NPM1: variants seen among roughly 807,000 people sequenced by gnomAD.
The protein encoded by NPM1 is nucleophosmin.
NPM1 carries 1 observed loss-of-function variant against 44.1 expected under a neutral mutation model. That is an observed-to-expected ratio of 0.02 (90% CI 0.01 to 0.11). The LOEUF is 0.11. NPM1 is among the 10% of genes least tolerant of loss of function. NPM1 has a pLI of 1.00. For synonymous variants in NPM1, 126 were observed against 111.8 expected (o/e 1.13, Z -0.80); for missense variants, 197 against 347.8 (o/e 0.57, Z 3.45).
chr5:171,403,012 TAATTTA>T (rs1771309974), intron 8 of NPM1, among the ~76,000 whole-genome samples: 1 of 99,036 alleles, frequency 1.0e-5, no homozygotes, highest in Non-Finnish European at 2.0e-5. Flanking sequence ...ATTTTTTTTT[TAATTTA>T]TTTTTTTATT....
At chr5:171,400,814 G>A (rs772243836) in intron 7 of NPM1, 25 bp from the exon 8 acceptor site, 2 of 1,482,044 alleles carry the variant, frequency 1.3e-6, no homozygotes, top group South Asian at 1.1e-5. Flanking sequence ...CAGGGACAGT[G>A]ATTAAGATAA....
rs1260728002 is a variant in NPM1, at chr5:171,387,925, T to A, written c.-24T>A. ...TTTTATCTCCGTCCGCCTTCTCTCC[T>A]ACCTAAGTGCGTGCCGCCACCCGAT... is the stretch of plus-strand genomic sequence containing the variant. On this transcript the variant is annotated 5_prime_UTR_variant, in exon 1 of 11. Transcript: ENST00000296930. 1 of 1,608,858 alleles carries A rather than the reference T, an allele frequency of 6.2e-7. No homozygotes were observed. The highest frequency in any genetic ancestry group is 2.2e-5 in the East Asian group (1 of 44,848).
At chr5:171,403,583 CT>C (rs1259487379) in intron 8 of NPM1, among the ~76,000 whole-genome samples, 1 of 110,946 alleles carries the variant, frequency 9.0e-6, no homozygotes, top group African/African-American at 3.3e-5. Flanking sequence ...GTAGGGGCGG[CT>C]GGGCAGAGGC....
chr5:171,392,677 G>C (rs1284820563), intron 4 of NPM1, 33 bp from the exon 5 acceptor site: 3 of 1,424,226 alleles, frequency 2.1e-6, no homozygotes, highest in East Asian at 4.6e-5. Flanking sequence ...CTTGCTGCTT[G>C]AGTTTTATAA....
rs750018655 is a variant in NPM1, at chr5:171,387,940, C to T, written c.-9C>T. 7 of 1,611,670 alleles carry T rather than the reference C, an allele frequency of 4.3e-6. No homozygotes were observed. Among genetic ancestry groups the T allele is most frequent in the African/African-American group, 1.3e-5 (1 of 74,972 alleles). On this transcript the variant is annotated 5_prime_UTR_variant, in exon 1 of 11. Transcript: ENST00000296930. Reference sequence around the variant, plus strand: ...CCTTCTCTCCTACCTAAGTGCGTGCCGCCACCCGATGGAAGATTCGATGGA... The same window carrying T: ...CCTTCTCTCCTACCTAAGTGCGTGCTGCCACCCGATGGAAGATTCGATGGA...
chr5:171,387,746 G>T (rs1770296696), upstream of NPM1: 4 of 599,232 alleles, frequency 6.7e-6, no homozygotes, highest in African/African-American at 7.5e-5. Flanking sequence ...GGACGGCTAC[G>T]GTACGGGGGT....
At chr5:171,396,853 A>G (rs749195672) in intron 6 of NPM1, among the ~76,000 whole-genome samples, 10 of 152,088 alleles carry the variant, frequency 6.6e-5, no homozygotes, top group Non-Finnish European at 1.3e-4. Flanking sequence ...GGCGCTTGCA[A>G]TCCCAGCTGC....
At chr5:171,394,738 T>A (rs1255849347) in intron 6 of NPM1, among the ~76,000 whole-genome samples, 1 of 152,234 alleles carries the variant, frequency 6.6e-6, no homozygotes, top group Non-Finnish European at 1.5e-5. Flanking sequence ...TGATTTTGAG[T>A]TACCTTTGTA....
chr5:171,407,820 GATTT>G (rs768446207), intron 10 of NPM1, 46 bp downstream of exon 10: 23 of 1,152,716 alleles, frequency 2.0e-5, no homozygotes, highest in Non-Finnish European at 2.9e-5. Context: ...GTTTTTTTGT[GATTT>G]ATTATGATTC....
At chr5:171,395,962 AAT>A (rs1491504848) in intron 6 of NPM1, among the ~76,000 whole-genome samples, 8 of 133,440 alleles carry the variant, frequency 6.0e-5, no homozygotes, top group African/African-American at 1.7e-4. Flanking sequence ...AGTAAAGCTG[AAT>A]TTTTTTTTTT....
chr5:171,408,615 T>TGGGC lies in NPM1; in HGVS notation c.846+842_846+845dup, dbSNP rs1771681441. Among the ~76,000 whole-genome samples, 3 of 152,240 alleles carry TGGGC rather than the reference T, an allele frequency of 2.0e-5. No individual in the cohort carries two copies. The South Asian group carries it at 6.2e-4, about 31-fold the overall frequency. ...TTTAGCTTTGTGAAAGTTGTAGTGA[T>TGGGC]GGGCTATAAGATGATCAGGTTCAGT... On this transcript the variant is annotated intron_variant, in intron 10 of 10. Coordinates refer to ENST00000296930, the MANE Select transcript of NPM1 (RefSeq NM_002520.7).
At chr5:171,401,291 G>A (rs1771184498) in intron 8 of NPM1, among the ~76,000 whole-genome samples, 1 of 151,880 alleles carries the variant, frequency 6.6e-6, no homozygotes, top group Non-Finnish European at 1.5e-5. Context: ...CTGGGAGGTG[G>A]AGTGCAGTGA....
intron 2 of NPM1, 167 bp from the exon 3 acceptor site, chr5:171,391,138 G>A: frequency 2.7e-6 from 2 of 745,648 alleles, no homozygotes; most frequent in South Asian, 3.7e-5. Context: ...ATCTAGGTTT[G>A]TATAAGCACA....
Position 171,403,020 on chromosome 5 carries a change from T to G in NPM1, c.669+2095T>G, listed in dbSNP as rs187203208. 8.7e-4 allele frequency among the ~76,000 whole-genome samples: 120 copies of G among 138,232 alleles called. 2 individuals carry two copies. Among genetic ancestry groups the G allele is most frequent in the African/African-American group, 3.0e-3 (115 of 37,862 alleles). 90.7% of individuals were successfully genotyped at this position (138,232 alleles called of 152,430 possible). A position where few individuals can be genotyped will look rare whatever the true frequency, so the allele number is the denominator to read the frequency against. ...TATTTTTATTTTTTTTTTAATTTAT[T>G]TTTTTATTGATAATTCTTGGGTGTT... On this transcript the variant is annotated intron_variant, in intron 8 of 10. Coordinates refer to ENST00000296930, the MANE Select transcript of NPM1 (RefSeq NM_002520.7).
intron 10 of NPM1, among the ~76,000 whole-genome samples, chr5:171,410,156 A>G (rs994149146): frequency 3.3e-5 from 5 of 152,208 alleles, no homozygotes; most frequent in Non-Finnish European, 7.3e-5. Flanking sequence ...GGCAATTCAG[A>G]ATAAGTTTCT....
At chr5:171,389,008 C>T (rs1038876818) in intron 1 of NPM1, among the ~76,000 whole-genome samples, 1 of 152,192 alleles carries the variant, frequency 6.6e-6, no homozygotes, top group Non-Finnish European at 1.5e-5. Flanking sequence ...GACCAAACTG[C>T]TTTTCTAAAT....
At chr5:171,406,549 C>G (rs1771579664) in intron 9 of NPM1, 2 of 1,485,618 alleles carry the variant, frequency 1.3e-6, no homozygotes, top group Non-Finnish European at 1.8e-6. Flanking sequence ...TGATTTGCCA[C>G]CCATGCCTCT....
intron 9 of NPM1, chr5:171,405,803 A>G (rs1581258460): frequency 8.9e-6 from 2 of 224,522 alleles, no homozygotes; most frequent in African/African-American, 2.4e-5. Context: ...GTTGCTTGGT[A>G]TTATAGTTAA....
At chr5:171,407,886 GATA>G in intron 10 of NPM1, 112 bp downstream of exon 10, 4 of 657,004 alleles carry the variant, frequency 6.1e-6, no homozygotes, top group South Asian at 3.7e-5. Context: ...CCTAACCACA[GATA>G]ATATTTCATT....
Sources: gnomAD v4.1 joint callset for allele counts (sites outside exome capture counted in the v4.1 genomes callset) on GRCh38, gnomAD v4.1.1 for gene constraint, MANE v1.5 for transcripts, NCBI Gene and HGNC (gene_info 2026-07-23, HGNC 2026-07-21) for gene names.